The following MEGF10 variants were observed in gnomAD, a reference collection of about 807,000 sequenced individuals.
The protein encoded by MEGF10 is multiple epidermal growth factor-like domains protein 10.
In MEGF10, 86 loss-of-function variants were observed where a neutral mutation model predicts 147.5. The observed-to-expected ratio is 0.58, with a 90% CI of 0.49 to 0.70. The LOEUF (loss-of-function observed/expected upper bound fraction) is 0.70. Among genes scored for constraint, MEGF10 ranks in the 30% least tolerant of loss-of-function variants. The pLI is 0.00. For missense variants in MEGF10, 1,329 were observed against 1,487.3 expected, an observed-to-expected ratio of 0.89 and a Z score of 1.75; for synonymous variants, 478 against 525.5, an observed-to-expected ratio of 0.91 and a Z score of 1.24.
At chr5:127,242,479 A>G in the MEGF10 span, among the ~76,000 whole-genome samples, 3 of 152,338 alleles carry the variant, frequency 2.0e-5, no homozygotes, top group South Asian at 6.2e-4. Flanking sequence ...ATGTAGGTAA[A>G]ATCCTCTATT....
At chr5:127,266,064 T>G in the MEGF10 span, among the ~76,000 whole-genome samples, 1 of 152,102 alleles carries the variant, frequency 6.6e-6, no homozygotes, top group African/African-American at 2.4e-5. Flanking sequence ...GTCTAACATT[T>G]AAGTCTTTAA....
chr5:127,317,576 A>G (rs1393654375), intron 1 of MEGF10, among the ~76,000 whole-genome samples: 2 of 152,214 alleles, frequency 1.3e-5, no homozygotes, highest in East Asian at 3.8e-4. Flanking sequence ...AGCCATAAAA[A>G]AGGATGAGTT....
At chr5:127,424,638 G>T in intron 13 of MEGF10, 5 of 1,149,294 alleles carry the variant, frequency 4.4e-6, no homozygotes, top group Non-Finnish European at 5.5e-6. Context: ...GAGCTACCTT[G>T]GGAAACAGGC....
At chr5:127,239,186 A>G in the MEGF10 span, among the ~76,000 whole-genome samples, 1 of 152,114 alleles carries the variant, frequency 6.6e-6, no homozygotes, top group South Asian at 2.1e-4. Flanking sequence ...AGACAGGATA[A>G]CAAAATAAAT....
intron 1 of MEGF10, among the ~76,000 whole-genome samples, chr5:127,303,759 G>A (rs192266329): frequency 7.8e-4 from 119 of 152,312 alleles, no homozygotes; most frequent in Admixed American, 1.7e-3. Flanking sequence ...TGGGGTATGG[G>A]TCCTAGAATC....
At chr5:127,382,144 A>G (rs1763289347) in intron 5 of MEGF10, among the ~76,000 whole-genome samples, 1 of 152,212 alleles carries the variant, frequency 6.6e-6, no homozygotes, top group Non-Finnish European at 1.5e-5. Flanking sequence ...TTTAAAATTC[A>G]TACACAACCT....
At chr5:127,329,375 C>T (rs541772195) in intron 1 of MEGF10, among the ~76,000 whole-genome samples, 1 of 152,122 alleles carries the variant, frequency 6.6e-6, no homozygotes, top group Admixed American at 6.6e-5. Context: ...CCAAGTCAAA[C>T]ATTTTCTTTT....
At chr5:127,301,831 ATAAT>A (rs1394629637) in intron 1 of MEGF10, among the ~76,000 whole-genome samples, 2 of 152,246 alleles carry the variant, frequency 1.3e-5, no homozygotes, top group African/African-American at 4.8e-5. Flanking sequence ...ATAGGGAAGA[ATAAT>A]TAACACATCT....
chr5:127,359,680 G>C (rs1762406891), intron 4 of MEGF10, among the ~76,000 whole-genome samples: 1 of 152,070 alleles, frequency 6.6e-6, no homozygotes, highest in Admixed American at 6.6e-5. Flanking sequence ...ATCATTTTGA[G>C]ATTTATGACA....
At chr5:127,421,903 G>A (rs1294698134) in intron 12 of MEGF10, among the ~76,000 whole-genome samples, 1 of 147,676 alleles carries the variant, frequency 6.8e-6, no homozygotes, top group African/African-American at 2.5e-5. Context: ...GCAGGAGAAT[G>A]GTGTGAACCC....
At chr5:127,265,891 G>A in the MEGF10 span, among the ~76,000 whole-genome samples, 1 of 152,146 alleles carries the variant, frequency 6.6e-6, no homozygotes, top group African/African-American at 2.4e-5. Flanking sequence ...TCTGATGGTA[G>A]TTTCTTTTGC....
At chr5:127,432,450 G>A (rs1765416039) in intron 13 of MEGF10, among the ~76,000 whole-genome samples, 1 of 152,142 alleles carries the variant, frequency 6.6e-6, no homozygotes, top group African/African-American at 2.4e-5. Context: ...CTCTTAATGT[G>A]TTTTCATTTG....
intron 21 of MEGF10, among the ~76,000 whole-genome samples, chr5:127,448,768 G>A (rs912799110): frequency 6.6e-5 from 10 of 151,332 alleles, no homozygotes; most frequent in Non-Finnish European, 1.2e-4. Context: ...AATTTTTGAT[G>A]GAAGAACTTA....
At chr5:127,339,269 A>G in intron 3 of MEGF10, 48 bp downstream of exon 3, 1 of 1,254,176 alleles carries the variant, frequency 8.0e-7, no homozygotes, top group Non-Finnish European at 1.2e-6. Context: ...CTGGGAATAG[A>G]TTCTAATACA....
At chr5:127,447,986 TAG>T in intron 21 of MEGF10, among the ~76,000 whole-genome samples, 1 of 152,244 alleles carries the variant, frequency 6.6e-6, no homozygotes, top group Admixed American at 6.5e-5. Context: ...TACACCGCTT[TAG>T]AAAAACGTTT....
intron 4 of MEGF10, among the ~76,000 whole-genome samples, chr5:127,354,839 T>C (rs2126827571): frequency 6.6e-6 from 1 of 152,252 alleles, no homozygotes; most frequent in Non-Finnish European, 1.5e-5. Flanking sequence ...GTGTTGGGGA[T>C]GGGAAAGGAT....
intron 18 of MEGF10, among the ~76,000 whole-genome samples, chr5:127,442,333 G>A (rs1434739673): frequency 1.3e-5 from 2 of 152,136 alleles, no homozygotes; most frequent in Admixed American, 1.3e-4. Flanking sequence ...ATTTTGTCAC[G>A]AAGATTTTTA....
intron 6 of MEGF10, among the ~76,000 whole-genome samples, 177 bp downstream of exon 6, chr5:127,396,955 C>T (rs2126922925): frequency 6.6e-6 from 1 of 152,294 alleles, no homozygotes; most frequent in African/African-American, 2.4e-5. Context: ...GGTGCTGCTG[C>T]TGTTTGGCCC....
At chr5:127,247,421 A>G in the MEGF10 span, among the ~76,000 whole-genome samples, 25 of 91,254 alleles carry the variant, frequency 2.7e-4, no homozygotes, top group East Asian at 7.6e-4. Flanking sequence ...AAGAAGAAGA[A>G]GAAGAAGAAG....
Sources: gnomAD v4.1 joint callset for allele counts (sites outside exome capture counted in the v4.1 genomes callset) on GRCh38, gnomAD v4.1.1 for gene constraint, MANE v1.5 for transcripts, NCBI Gene and HGNC (gene_info 2026-07-23, HGNC 2026-07-21) for gene names.